The following FBXO42 variants were observed in gnomAD, a reference collection of about 807,000 sequenced individuals.
FBXO42 encodes the protein F-box only protein 42.
FBXO42 carries 12 observed loss-of-function variants against 71.7 expected under a neutral mutation model. That is an observed-to-expected ratio of 0.17 (90% CI 0.11 to 0.27). The LOEUF (loss-of-function observed/expected upper bound fraction) is 0.27. Among genes scored for constraint, FBXO42 ranks in the 10% least tolerant of loss-of-function variants. The probability of loss-of-function intolerance (pLI) is 1.00; values close to 1 mark genes in which losing one functional copy is unlikely to be tolerated. For missense variants in FBXO42, 707 were observed against 911.9 expected, an observed-to-expected ratio of 0.78 and a Z score of 2.89; for synonymous variants, 325 against 327.5, an observed-to-expected ratio of 0.99 and a Z score of 0.08.
intron 1 of FBXO42, among the ~76,000 whole-genome samples, chr1:16,341,806 T>C (rs1295227023): frequency 6.8e-6 from 1 of 147,550 alleles, no homozygotes; most frequent in East Asian, 2.1e-4. Context: ...ACCCCGTCTC[T>C]ACTAAAAATA....
Position 16,248,896 on chromosome 1 carries a change from G to C in FBXO42, c.*1774C>G, listed in dbSNP as rs1247754207. ...CTTGGCACCAGGGTGGCTTTCCTAC[G>C]AAGACCACATCATAAAAGCTAATGG... is the stretch of plus-strand genomic sequence containing the variant. On this transcript the variant is annotated 3_prime_UTR_variant, in exon 10 of 10. Coordinates refer to ENST00000375592, the MANE Select transcript of FBXO42 (RefSeq NM_018994.3). 1 of 152,246 alleles carries C rather than the reference G, an allele frequency of 6.6e-6. No individual in the cohort carries two copies. The highest frequency in any genetic ancestry group is 1.5e-5 in the Non-Finnish European group (1 of 68,060). The allele number at this position is 152,246 out of a possible 1,614,324, so 9.4% of individuals were successfully genotyped here. A position where few individuals can be genotyped will look rare whatever the true frequency, so the allele number is the denominator to read the frequency against.
At chr1:16,263,752 AC>A (rs1237267684) in intron 4 of FBXO42, among the ~76,000 whole-genome samples, 2 of 150,214 alleles carry the variant, frequency 1.3e-5, no homozygotes, top group Non-Finnish European at 3.0e-5. Context: ...AAACCGAAAA[AC>A]CAAAAAACAA....
intron 3 of FBXO42, among the ~76,000 whole-genome samples, chr1:16,302,713 T>C (rs374441805): frequency 6.3e-4 from 96 of 152,208 alleles, no homozygotes; most frequent in African/African-American, 2.2e-3. Context: ...TTTCACCATG[T>C]TGGCCAGGCT....
At chr1:16,288,224 G>A (rs1050050241) in intron 4 of FBXO42, among the ~76,000 whole-genome samples, 1 of 151,846 alleles carries the variant, frequency 6.6e-6, no homozygotes, top group African/African-American at 2.4e-5. Flanking sequence ...GAGGTCAAGA[G>A]ATCGAGACCA....
At chr1:16,255,507 G>C (rs1201704438) in intron 6 of FBXO42, among the ~76,000 whole-genome samples, 2 of 152,030 alleles carry the variant, frequency 1.3e-5, no homozygotes, top group Admixed American at 6.6e-5. Context: ...GCTAATTTTT[G>C]TATTTTTAGT....
intron 1 of FBXO42, among the ~76,000 whole-genome samples, chr1:16,340,472 C>A (rs1396161143): frequency 2.0e-5 from 3 of 152,138 alleles, no homozygotes; most frequent in Admixed American, 2.0e-4. Context: ...AGGCGCCCAC[C>A]CCGCCCAGCT....
chr1:16,256,848 G>T, intron 4 of FBXO42, 89 bp from the exon 5 acceptor site: 1 of 1,418,832 alleles, frequency 7.0e-7, no homozygotes, highest in Non-Finnish European at 9.7e-7. Flanking sequence ...TTCCCTGGAA[G>T]AGCAACAAAA....
At chr1:16,335,063 CAAAAAAAAAAAAA>C (rs55983316) in intron 1 of FBXO42, among the ~76,000 whole-genome samples, 16 of 69,026 alleles carry the variant, frequency 2.3e-4, no homozygotes, top group Middle Eastern at 8.9e-3. Context: ...CTCGTCTGTA[CAAAAAAAAAAAAA>C]AAAAAAAAAA....
chr1:16,299,261 T>A (rs1199762010), intron 3 of FBXO42, among the ~76,000 whole-genome samples: 1 of 152,070 alleles, frequency 6.6e-6, no homozygotes, highest in Non-Finnish European at 1.5e-5. Context: ...TCCGCCCGCC[T>A]CGGCCTCCCA....
intron 1 of FBXO42, among the ~76,000 whole-genome samples, chr1:16,348,581 C>A (rs557530): frequency 6.6e-6 from 1 of 151,788 alleles, no homozygotes; most frequent in Non-Finnish European, 1.5e-5. Context: ...GGTGCCTGTA[C>A]TCCCAGCTAC....
intron 1 of FBXO42, among the ~76,000 whole-genome samples, chr1:16,327,286 G>A (rs116428675): frequency 1.5e-3 from 230 of 152,276 alleles, no homozygotes; most frequent in African/African-American, 5.4e-3. Context: ...ATGACCAAAA[G>A]CACAAAGCCA....
chr1:16,338,377 G>C (rs200746459), intron 1 of FBXO42, among the ~76,000 whole-genome samples: 1 of 97,136 alleles, frequency 1.0e-5, no homozygotes, highest in Non-Finnish European at 2.2e-5. Context: ...AAAAAAAAAA[G>C]AATAACAATG....
intron 3 of FBXO42, 98 bp from the exon 4 acceptor site, chr1:16,295,015 C>G: frequency 1.4e-6 from 2 of 1,394,548 alleles, no homozygotes; most frequent in Non-Finnish European, 1.9e-6. Flanking sequence ...TTCACACATT[C>G]AGCAATTTTG....
At chr1:16,271,717 C>T (rs1390343897) in intron 4 of FBXO42, among the ~76,000 whole-genome samples, 1 of 152,114 alleles carries the variant, frequency 6.6e-6, no homozygotes, top group African/African-American at 2.4e-5. Context: ...CAATGGCTAT[C>T]CATAGCCCTC....
chr1:16,328,159 T>C lies in FBXO42; in HGVS notation c.-17-12724A>G, dbSNP rs142160335. Among the ~76,000 whole-genome samples the C allele has an allele frequency of 3.0e-4, 46 of 152,138 alleles. No homozygotes were observed. In the East Asian group the frequency reaches 7.3e-3, roughly 24 times the overall value. ...AAACCCACAGCATCAAAGAGTGAAATTTAATACATGTAAATTTTTAAAAAA... is the reference window on the plus strand; with the variant it reads ...AAACCCACAGCATCAAAGAGTGAAACTTAATACATGTAAATTTTTAAAAAA... On this transcript the variant is annotated intron_variant, in intron 1 of 9. Coordinates refer to ENST00000375592, the MANE Select transcript of FBXO42 (RefSeq NM_018994.3).
intron 1 of FBXO42, among the ~76,000 whole-genome samples, chr1:16,317,777 G>A (rs375615656): frequency 1.3e-5 from 2 of 151,666 alleles, no homozygotes; most frequent in South Asian, 2.1e-4. Context: ...ATAATTAACC[G>A]GGTGTGCTGG....
chr1:16,297,805 T>C (rs547856807), intron 3 of FBXO42, among the ~76,000 whole-genome samples: 2 of 147,996 alleles, frequency 1.4e-5, no homozygotes, highest in South Asian at 4.2e-4. Context: ...AGGCGGAGCT[T>C]GCAGTGAGCC....
intron 1 of FBXO42, among the ~76,000 whole-genome samples, chr1:16,318,371 T>C (rs1324676215): frequency 6.6e-6 from 1 of 151,810 alleles, no homozygotes; most frequent in Admixed American, 6.6e-5. Flanking sequence ...TGAGCTGAGG[T>C]CGCTCCACTG....
In FBXO42 at chr1:16,249,884, GAATA is replaced by G. The variant is rs1346217325; in HGVS notation, c.*782_*785del. 2 of 152,190 alleles carry G rather than the reference GAATA, an allele frequency of 1.3e-5. No individual in the cohort carries two copies. Among genetic ancestry groups the G allele is most frequent in the Non-Finnish European group, 2.9e-5 (2 of 68,032 alleles). The allele number at this position is 152,190 out of a possible 1,614,324, so 9.4% of individuals were successfully genotyped here. Reference sequence around the variant, plus strand: ...CCATGTTCTAAGGGAAGAAAGAGGAGAATAAATATGTTTTTTGGCAACTTGCCAC... The same window carrying G: ...CCATGTTCTAAGGGAAGAAAGAGGAGAATATGTTTTTTGGCAACTTGCCAC... On this transcript the variant is annotated 3_prime_UTR_variant, in exon 10 of 10. Transcript: ENST00000375592.
Sources: gnomAD v4.1 joint callset for allele counts (sites outside exome capture counted in the v4.1 genomes callset) on GRCh38, gnomAD v4.1.1 for gene constraint, MANE v1.5 for transcripts, NCBI Gene and HGNC (gene_info 2026-07-23, HGNC 2026-07-21) for gene names.